ABI3BP: variants seen among roughly 807,000 people sequenced by gnomAD.
The protein encoded by ABI3BP is target of Nesh-SH3.
ABI3BP carries 216 observed loss-of-function variants against 268.6 expected under a neutral mutation model. That is an observed-to-expected ratio of 0.80 (90% CI 0.72 to 0.90). The LOEUF is 0.90. Ranked by LOEUF, ABI3BP falls within the 40% of genes least tolerant of loss-of-function variation. The pLI is 0.00. For synonymous variants in ABI3BP, 730 were observed against 730.0 expected, an observed-to-expected ratio of 1.00 and a Z score of 0.00; for missense variants, 2,090 against 2,182.4, an observed-to-expected ratio of 0.96 and a Z score of 0.84.
intron 4 of ABI3BP, among the ~76,000 whole-genome samples, 170 bp from the exon 5 acceptor site, chr3:100,886,493 G>A (rs72928352): frequency 1.3e-5 from 2 of 151,912 alleles, no homozygotes; most frequent in Admixed American, 6.6e-5. Flanking sequence ...TAAGCTCAAC[G>A]TGTGCTTAGG....
chr3:100,958,648 T>A (rs34719725), intron 1 of ABI3BP, among the ~76,000 whole-genome samples: 17,898 of 152,230 alleles, frequency 0.12, 1,219 homozygotes, highest in Non-Finnish European at 0.15. Context: ...AATCTTCAAA[T>A]TTGTAATGTT....
intron 1 of ABI3BP, among the ~76,000 whole-genome samples, chr3:100,988,030 A>G (rs2092256788): frequency 6.6e-6 from 1 of 152,186 alleles, no homozygotes; most frequent in Non-Finnish European, 1.5e-5. Flanking sequence ...TGTTTAATAC[A>G]GTCCCAGCAA....
chr3:100,876,441 C>T (rs575615426), intron 7 of ABI3BP, 71 bp downstream of exon 7: 12 of 1,306,066 alleles, frequency 9.2e-6, no homozygotes, highest in Admixed American at 6.5e-5. Flanking sequence ...AAATATGTGC[C>T]GTGTTTGATT....
At chr3:100,761,322 T>G (rs959741372) in intron 63 of ABI3BP, among the ~76,000 whole-genome samples, 3 of 152,144 alleles carry the variant, frequency 2.0e-5, no homozygotes, top group Non-Finnish European at 4.4e-5. Flanking sequence ...ATCATTTGAC[T>G]AAAACAATCA....
At chr3:100,824,730 T>C (rs915350272) in intron 36 of ABI3BP, 128 bp downstream of exon 36, 3 of 665,026 alleles carry the variant, frequency 4.5e-6, no homozygotes, top group Non-Finnish European at 7.3e-6. Context: ...GAGATGGTAC[T>C]GATGATGCCT....
intron 2 of ABI3BP, among the ~76,000 whole-genome samples, chr3:100,908,362 C>T (rs2054546421): frequency 6.6e-6 from 1 of 152,120 alleles, no homozygotes; most frequent in African/African-American, 2.4e-5. Flanking sequence ...GTTGAATTTC[C>T]CATTATTCCT....
intron 63 of ABI3BP, among the ~76,000 whole-genome samples, chr3:100,760,812 CAA>C (rs1311348397): frequency 2.6e-5 from 4 of 152,046 alleles, no homozygotes; most frequent in Non-Finnish European, 5.9e-5. Context: ...TTTAGTTTAA[CAA>C]GAGGCATACA....
intron 59 of ABI3BP, among the ~76,000 whole-genome samples, chr3:100,775,578 A>G (rs1242467471): frequency 1.3e-5 from 2 of 152,112 alleles, no homozygotes; most frequent in Non-Finnish European, 2.9e-5. Flanking sequence ...GCGCGTAAGA[A>G]GAGGGAGTGG....
chr3:100,974,961 G>C (rs1053886690), intron 1 of ABI3BP, among the ~76,000 whole-genome samples: 24 of 152,192 alleles, frequency 1.6e-4, no homozygotes, highest in African/African-American at 5.8e-4. Flanking sequence ...CTCTCTGTAA[G>C]AGACAGCAAG....
intron 53 of ABI3BP, 35 bp from the exon 54 acceptor site, chr3:100,795,038 T>C (rs2152159731): frequency 7.5e-7 from 1 of 1,340,556 alleles, no homozygotes; most frequent in East Asian, 2.9e-5. Context: ...TGTAAATTTT[T>C]AGATTCAAAG....
At chr3:100,780,263 A>C in intron 57 of ABI3BP, 54 bp from the exon 58 acceptor site, 3 of 1,549,726 alleles carry the variant, frequency 1.9e-6, no homozygotes, top group Non-Finnish European at 2.7e-6. Flanking sequence ...TGTTCCATGG[A>C]AACTTGGTAG....
chr3:100,926,942 T>C (rs2061974090), intron 1 of ABI3BP, among the ~76,000 whole-genome samples: 1 of 152,130 alleles, frequency 6.6e-6, no homozygotes, highest in Non-Finnish European at 1.5e-5. Flanking sequence ...GATTTTTGTC[T>C]TAGGGATAAC....
At chr3:100,834,509 A>G (rs931387526) in intron 29 of ABI3BP, among the ~76,000 whole-genome samples, 175 bp downstream of exon 29, 4 of 152,132 alleles carry the variant, frequency 2.6e-5, no homozygotes, top group African/African-American at 9.7e-5. Flanking sequence ...TCCTCACGCA[A>G]TCAGAATGAG....
intron 1 of ABI3BP, among the ~76,000 whole-genome samples, chr3:100,978,834 A>G (rs1337070850): frequency 6.6e-6 from 1 of 152,238 alleles, no homozygotes; most frequent in Non-Finnish European, 1.5e-5. Flanking sequence ...ATGCATGGTT[A>G]ATCTCATCAG....
intron 52 of ABI3BP, among the ~76,000 whole-genome samples, 161 bp from the exon 53 acceptor site, chr3:100,796,012 A>G (rs1404389181): frequency 1.3e-5 from 2 of 152,130 alleles, no homozygotes; most frequent in African/African-American, 2.4e-5. Flanking sequence ...TGCCAATCAG[A>G]GAACTTAGTT....
chr3:100,792,118 G>C (rs2097212037), intron 55 of ABI3BP, among the ~76,000 whole-genome samples: 1 of 151,848 alleles, frequency 6.6e-6, no homozygotes, highest in African/African-American at 2.4e-5. Context: ...AGATGAGATA[G>C]AGCTTTGTGT....
chr3:100,942,320 C>T (rs1287816967), intron 1 of ABI3BP, among the ~76,000 whole-genome samples: 3 of 151,990 alleles, frequency 2.0e-5, no homozygotes, highest in Non-Finnish European at 4.4e-5. Context: ...ATATAGAAAA[C>T]GTCCCTTTAG....
intron 9 of ABI3BP, among the ~76,000 whole-genome samples, 199 bp downstream of exon 9, chr3:100,874,642 A>C (rs142257967): frequency 2.0e-5 from 3 of 152,286 alleles, no homozygotes; most frequent in African/African-American, 7.2e-5. Flanking sequence ...ACCTTATATA[A>C]ATATGTACAT....
At chr3:100,894,934 GCT>G (rs2046617341) in intron 4 of ABI3BP, among the ~76,000 whole-genome samples, 1 of 19,954 alleles carries the variant, frequency 5.0e-5, no homozygotes, top group African/African-American at 1.2e-4. Context: ...GCGGGATTCC[GCT>G]TCAAAAAAAA....
Sources: allele counts gnomAD v4.1 joint callset (sites outside exome capture counted in the v4.1 genomes callset), GRCh38; gene constraint gnomAD v4.1.1; transcripts MANE v1.5; gene names NCBI Gene and HGNC (gene_info 2026-07-23, HGNC 2026-07-21).